Variants in CLU observed in about 807,000 individuals in gnomAD.
CLU encodes aging-associated protein 4.
In CLU, 25 loss-of-function variants were observed where a neutral mutation model predicts 46.4. The ratio of observed to expected loss-of-function variants is 0.54; its 90% CI spans 0.39 to 0.75. The LOEUF (loss-of-function observed/expected upper bound fraction) is 0.75. Ranked by LOEUF, CLU falls within the 30% of genes least tolerant of loss-of-function variation. The pLI, the probability that CLU is intolerant of heterozygous loss-of-function variation, is 0.00. For synonymous variants in CLU, 235 were observed against 235.1 expected (o/e 1.00, Z 0.00); for missense variants, 504 against 592.1 (o/e 0.85, Z 1.54).
In CLU at chr8:27,599,789, C is replaced by A; in HGVS notation, c.1155G>T (p.Arg385=). The A allele has an allele frequency of 6.2e-7, 1 of 1,609,512 alleles. No homozygotes were observed. Residue 385 remains arginine, a synonymous_variant, in exon 7 of 9, where the codon CGG becomes CGT. Transcript: ENST00000316403. The surrounding 1 kb of genome is among the most constrained non-coding windows in gnomAD (Gnocchi z 4.0). ...CCGGGACACAGCTCACCGTGGTGACCCGCAGATAGTACTGGTCTTCGCCTT... is the reference window on the plus strand; with the variant it reads ...CCGGGACACAGCTCACCGTGGTGACACGCAGATAGTACTGGTCTTCGCCTT... The part of the protein sequence containing the change: ...LTQGEDQYYL[R]VTTVASHTSD...
In CLU at chr8:27,599,093, G is replaced by A. The variant is rs886947394; in HGVS notation, c.1165-458C>T. On this transcript the variant is annotated intron_variant, in intron 7 of 8. Transcript: ENST00000316403. This position sits in a 1 kb window ranked among gnomAD's most constrained non-coding sequence, Gnocchi z 4.0. Reference sequence around the variant, plus strand: ...AGACAGAGTCTCACTCTGTCACCCAGGCTGGAGTGCAGTGGCGTGATCACA... The same window carrying A: ...AGACAGAGTCTCACTCTGTCACCCAAGCTGGAGTGCAGTGGCGTGATCACA... The A allele has an allele frequency of 6.5e-6, 1 of 153,006 alleles. No individual in the cohort carries two copies. Among genetic ancestry groups the A allele is most frequent in the African/African-American group, 2.4e-5 (1 of 41,372 alleles). The allele number at this position is 153,006 out of a possible 1,614,324, so 9.5% of individuals were successfully genotyped here. A position where few individuals can be genotyped will look rare whatever the true frequency, so the allele number is the denominator to read the frequency against.
chr8:27,604,858 C>G, intron 5 of CLU, 66 bp downstream of exon 5: 1 of 1,553,584 alleles, frequency 6.4e-7, no homozygotes, highest in Non-Finnish European at 8.9e-7. Context: ...ACCCGCTGAG[C>G]CCTCGGCATG....
Position 27,609,004 on chromosome 8 carries a change from T to A in CLU, c.180A>T (p.Ile60=), listed in dbSNP as rs147247704. 5.9e-4 allele frequency: 954 copies of A among 1,614,216 alleles called. 6 individuals are homozygous for A. In the African/African-American group the frequency reaches 0.011, roughly 19 times the overall value. ...TCTTGCGCTCTTCGTTTGTTTTTTC[T>A]ATGAGAGTCTTTATCTGTTTCACCC... is the stretch of plus-strand genomic sequence containing the variant. ...VNGVKQIKTL[I]EKTNEERKTL... is the part of the protein sequence containing the mutation. The change falls in exon 3 of 9, where the codon ATA becomes ATT. Residue 60 remains isoleucine (I), a synonymous_variant. Transcript: ENST00000316403.
At position 27,597,419 on chromosome 8, in the gene CLU, T is replaced by G; in HGVS notation, c.*822A>C. ...TCCAGGGAAAGGTATGAAGATCATATAAACCGGCGGTGGACAGGAAATGCC... is the reference window on the plus strand; with the variant it reads ...TCCAGGGAAAGGTATGAAGATCATAGAAACCGGCGGTGGACAGGAAATGCC... On this transcript the variant is annotated 3_prime_UTR_variant, in exon 9 of 9. Transcript: ENST00000316403. 2 of 454,460 alleles carry G rather than the reference T, an allele frequency of 4.4e-6. No individual in the cohort carries two copies. The highest frequency in any genetic ancestry group is 3.1e-5 in the South Asian group (2 of 64,462). The allele number at this position is 454,460 out of a possible 1,614,324, so 28.2% of individuals were successfully genotyped here.
intron 6 of CLU, among the ~76,000 whole-genome samples, chr8:27,601,909 G>A (rs1218993935): frequency 1.3e-5 from 2 of 151,824 alleles, no homozygotes; most frequent in South Asian, 4.2e-4. Context: ...TGGCCAATAT[G>A]GTGAAACCCT....
intron 1 of CLU, 51 bp from the exon 2 acceptor site, chr8:27,610,651 TC>T: frequency 6.8e-7 from 1 of 1,461,538 alleles, no homozygotes; most frequent in Non-Finnish European, 9.6e-7. Flanking sequence ...CCTGCTGGCG[TC>T]CCGCCCACCT....
intron 3 of CLU, chr8:27,608,639 A>C: frequency 1.8e-6 from 1 of 544,502 alleles, no homozygotes; most frequent in Non-Finnish European, 3.3e-6. Context: ...CCGCCACCCC[A>C]TCCAGAGCCT....
Position 27,604,301 on chromosome 8 carries a change from G to A in CLU, c.924C>T (p.Ile308=). The part of the protein sequence containing the change: ...MKDQCDKCRE[I]LSVDCSTNNP... ...TGGACCCCGACTCACCCACAGACAA[G>A]ATCTCCCGGCACTTGTCACACTGGT... is the stretch of plus-strand genomic sequence containing the variant. Residue 308 remains isoleucine (I), a synonymous_variant, in exon 6 of 9, where the codon ATC becomes ATT. Transcript: ENST00000316403. The A allele has an allele frequency of 6.2e-7, 1 of 1,613,434 alleles. No homozygotes were observed. The highest frequency in any genetic ancestry group is 8.5e-7 in the Non-Finnish European group (1 of 1,179,586).
chr8:27,607,891 T>C (rs1277611870), intron 3 of CLU, among the ~76,000 whole-genome samples: 1 of 152,190 alleles, frequency 6.6e-6, no homozygotes, highest in African/African-American at 2.4e-5. Flanking sequence ...CCTACTTCCT[T>C]GCCTTCTGGC....
chr8:27,609,717 G>C (rs1174547970), intron 2 of CLU, among the ~76,000 whole-genome samples: 1 of 152,182 alleles, frequency 6.6e-6, no homozygotes, highest in Non-Finnish European at 1.5e-5. Flanking sequence ...GACATGGGAA[G>C]TGTGATATGA....
intron 6 of CLU, among the ~76,000 whole-genome samples, chr8:27,603,251 T>C (rs1800753973): frequency 6.6e-6 from 1 of 152,242 alleles, no homozygotes; most frequent in Admixed American, 6.5e-5. Flanking sequence ...CACTCTATGA[T>C]ATTTTTTATA....
chr8:27,600,700 T>C (rs1042316058), intron 6 of CLU, among the ~76,000 whole-genome samples: 1 of 152,190 alleles, frequency 6.6e-6, no homozygotes, highest in African/African-American at 2.4e-5. Flanking sequence ...GTGGCTCTCG[T>C]TGCCCTAGTC....
At position 27,598,541 on chromosome 8, in the gene CLU, G is replaced by T; in HGVS notation, c.1259C>A (p.Pro420His). 1 of 1,614,146 alleles carries T rather than the reference G, an allele frequency of 6.2e-7. No homozygotes were observed. Among genetic ancestry groups the T allele is most frequent in the Non-Finnish European group, 8.5e-7 (1 of 1,180,036 alleles). Residue 420 changes from proline (P) to histidine (H), a missense_variant, in exon 8 of 9, where the codon CCT becomes CAT. This residue lies in a region of CLU where 428 missense variants were observed against 484.0 expected (regional missense o/e 0.88). Transcript: ENST00000316403. ...AGGGTTCTTCCTGGAGACTTCTACA[G>T]GGACCGTCACAGTGATGGGATCAGA... ...FDSDPITVTV[P>H]VEVSRKNPKF...
intron 1 of CLU, chr8:27,611,168 G>A (rs1409562488): frequency 1.5e-5 from 7 of 453,206 alleles, no homozygotes; most frequent in Admixed American, 2.4e-5. Context: ...TTCAAGAGCC[G>A]GAGGCAACAG....
At chr8:27,608,487 C>T in intron 3 of CLU, 1 of 267,496 alleles carries the variant, frequency 3.7e-6, no homozygotes, top group Non-Finnish European at 7.3e-6. Context: ...ATATCCACTA[C>T]TGGGCTTAAG....
intron 2 of CLU, 80 bp downstream of exon 2, chr8:27,610,395 G>A: frequency 8.9e-7 from 1 of 1,118,610 alleles, no homozygotes; most frequent in Non-Finnish European, 1.4e-6. Flanking sequence ...CTGATAGAGA[G>A]GCACTGAGCA....
At chr8:27,611,780 G>C (rs1482453571) in intron 1 of CLU, 1 of 456,876 alleles carries the variant, frequency 2.2e-6, no homozygotes, top group African/African-American at 2.0e-5. Flanking sequence ...AGAAGAGATG[G>C]GGTCAGCGCC....
At chr8:27,600,323 T>C (rs1343794124) in intron 6 of CLU, among the ~76,000 whole-genome samples, 1 of 143,892 alleles carries the variant, frequency 6.9e-6, no homozygotes, top group African/African-American at 2.6e-5. Context: ...CAGCCTTGAC[T>C]TCCCAGGCTC....
At chr8:27,606,261 C>T (rs772164986) in intron 4 of CLU, 93 bp downstream of exon 4, 36 of 1,416,428 alleles carry the variant, frequency 2.5e-5, no homozygotes, top group Non-Finnish European at 3.6e-5. Flanking sequence ...CAATGCTAAT[C>T]AATTGCATCT....
Sources: allele counts gnomAD v4.1 joint callset (sites outside exome capture counted in the v4.1 genomes callset), GRCh38; gene constraint gnomAD v4.1.1; regional missense constraint gnomAD v4.1.1; non-coding constraint Gnocchi (gnomAD v3.1); transcripts MANE v1.5; gene names NCBI Gene and HGNC (gene_info 2026-07-23, HGNC 2026-07-21).